Variants in KCND2 observed in about 807,000 individuals in gnomAD.
The protein encoded by KCND2 is A-type voltage-gated potassium channel KCND2.
Under a neutral mutation model 54.4 loss-of-function variants are expected in KCND2, and 16 were observed. The ratio of observed to expected loss-of-function variants is 0.29; its 90% CI spans 0.20 to 0.45. The LOEUF (loss-of-function observed/expected upper bound fraction) is 0.45. Ranked by LOEUF, KCND2 falls within the 20% of genes least tolerant of loss-of-function variation. The probability of loss-of-function intolerance (pLI) is 1.00; values close to 1 mark genes in which losing one functional copy is unlikely to be tolerated. For synonymous variants in KCND2, 317 were observed against 310.7 expected, an observed-to-expected ratio of 1.02 and a Z score of -0.21; for missense variants, 486 against 824.2, an observed-to-expected ratio of 0.59 and a Z score of 5.02.
chr7:120,530,613 T>A (rs1791832165), intron 1 of KCND2, among the ~76,000 whole-genome samples: 1 of 152,152 alleles, frequency 6.6e-6, no homozygotes, highest in Non-Finnish European at 1.5e-5. Flanking sequence ...AGCTTGTCTT[T>A]TATCCTACTG....
chr7:120,733,772 T>A (rs1158721856), intron 2 of KCND2, among the ~76,000 whole-genome samples: 1 of 152,096 alleles, frequency 6.6e-6, no homozygotes, highest in Admixed American at 6.6e-5. Context: ...TGCCAGGTAA[T>A]TAATCCCTCT....
intron 1 of KCND2, among the ~76,000 whole-genome samples, chr7:120,496,823 ATAAT>A (rs1199911672): frequency 1.3e-5 from 2 of 152,128 alleles, no homozygotes; most frequent in Non-Finnish European, 2.9e-5. Context: ...AGTTTGTGTT[ATAAT>A]TAGTTTTGTT....
intron 1 of KCND2, among the ~76,000 whole-genome samples, chr7:120,618,676 G>A (rs1350762266): frequency 2.0e-5 from 3 of 151,834 alleles, no homozygotes; most frequent in Non-Finnish European, 2.9e-5. Context: ...TAATTTACAC[G>A]GAACTGTTAA....
intron 1 of KCND2, among the ~76,000 whole-genome samples, chr7:120,488,708 G>A (rs979753606): frequency 6.6e-6 from 1 of 151,040 alleles, no homozygotes; most frequent in Non-Finnish European, 1.5e-5. Flanking sequence ...CTTTTCTAGG[G>A]GTTTAAAATA....
intron 1 of KCND2, among the ~76,000 whole-genome samples, chr7:120,436,917 C>T (rs906819972): frequency 6.6e-6 from 1 of 152,172 alleles, no homozygotes; most frequent in Non-Finnish European, 1.5e-5. Flanking sequence ...AGGTTTTAGT[C>T]ATTCTCTTTC....
chr7:120,517,581 G>A (rs1200437070), intron 1 of KCND2, among the ~76,000 whole-genome samples: 3 of 152,018 alleles, frequency 2.0e-5, no homozygotes, highest in South Asian at 4.1e-4. Context: ...ACCTCTCAGT[G>A]TACAAAGTAA....
intron 1 of KCND2, among the ~76,000 whole-genome samples, chr7:120,604,296 G>C (rs1402140585): frequency 6.8e-6 from 1 of 147,900 alleles, no homozygotes; most frequent in Non-Finnish European, 1.5e-5. Flanking sequence ...GAGGTCAGGA[G>C]TTCGAGACCA....
At chr7:120,515,719 GAA>G (rs746113988) in intron 1 of KCND2, among the ~76,000 whole-genome samples, 47 of 152,122 alleles carry the variant, frequency 3.1e-4, no homozygotes, top group Admixed American at 6.6e-5. Context: ...AGAGAAAAAT[GAA>G]CTATGGAGCT....
chr7:120,464,238 G>A (rs1372702386), intron 1 of KCND2, among the ~76,000 whole-genome samples: 2 of 150,642 alleles, frequency 1.3e-5, no homozygotes, highest in Non-Finnish European at 3.0e-5. Context: ...AAAAAAAAAA[G>A]AAAACCTACA....
chr7:120,310,325 T>G (rs977293297), intron 1 of KCND2, among the ~76,000 whole-genome samples: 9 of 152,204 alleles, frequency 5.9e-5, no homozygotes, highest in Admixed American at 5.2e-4. Flanking sequence ...GGTAATTATA[T>G]TTCAGTTAGT....
At chr7:120,278,617 T>G (rs977606685) in intron 1 of KCND2, among the ~76,000 whole-genome samples, 6 of 151,708 alleles carry the variant, frequency 4.0e-5, no homozygotes, top group Non-Finnish European at 7.4e-5. Flanking sequence ...AATATTCAGT[T>G]GGTTTTATGA....
At chr7:120,463,234 CT>C (rs200646535) in intron 1 of KCND2, among the ~76,000 whole-genome samples, 3 of 149,820 alleles carry the variant, frequency 2.0e-5, no homozygotes, top group Non-Finnish European at 4.5e-5. Flanking sequence ...GAAGTATGTC[CT>C]TTTTTTTTCA....
At chr7:120,433,969 C>T (rs1265363998) in intron 1 of KCND2, among the ~76,000 whole-genome samples, 1 of 152,088 alleles carries the variant, frequency 6.6e-6, no homozygotes, top group African/African-American at 2.4e-5. Flanking sequence ...AATCTTTGTA[C>T]CTCCTTGCAA....
intron 1 of KCND2, among the ~76,000 whole-genome samples, chr7:120,481,852 A>G (rs1383038640): frequency 2.0e-5 from 3 of 152,218 alleles, no homozygotes; most frequent in Non-Finnish European, 4.4e-5. Context: ...CTTCACCTAG[A>G]TTTCAAAGGA....
At chr7:120,608,015 TG>T (rs2116482278) in intron 1 of KCND2, among the ~76,000 whole-genome samples, 1 of 26,988 alleles carries the variant, frequency 3.7e-5, no homozygotes, top group Non-Finnish European at 1.1e-4. Flanking sequence ...GGAATGTGAC[TG>T]TTTTTTTTTT....
intron 1 of KCND2, among the ~76,000 whole-genome samples, chr7:120,590,084 C>G (rs1396649473): frequency 6.6e-6 from 1 of 152,122 alleles, no homozygotes; most frequent in Non-Finnish European, 1.5e-5. Context: ...GCGGCGAACT[C>G]GATCTCGGCT....
At chr7:120,351,215 A>G (rs1005086661) in intron 1 of KCND2, among the ~76,000 whole-genome samples, 7 of 137,314 alleles carry the variant, frequency 5.1e-5, no homozygotes, top group Non-Finnish European at 1.1e-4. Context: ...CTGTATGACA[A>G]TACCATCATA....
At chr7:120,585,045 AG>A (rs1188112420) in intron 1 of KCND2, among the ~76,000 whole-genome samples, 1 of 152,188 alleles carries the variant, frequency 6.6e-6, no homozygotes, top group Non-Finnish European at 1.5e-5. Flanking sequence ...GAGTTTAGAC[AG>A]GGCTTTTTCT....
At chr7:120,428,166 T>A (rs1801739490) in intron 1 of KCND2, among the ~76,000 whole-genome samples, 1 of 152,232 alleles carries the variant, frequency 6.6e-6, no homozygotes, top group Admixed American at 6.5e-5. Context: ...AACTCATTCT[T>A]TAAAAATCAA....
Sources: gnomAD v4.1 joint callset for allele counts (sites outside exome capture counted in the v4.1 genomes callset) on GRCh38, gnomAD v4.1.1 for gene constraint, MANE v1.5 for transcripts, NCBI Gene and HGNC (gene_info 2026-07-23, HGNC 2026-07-21) for gene names.